The following CALB1 variants were observed in gnomAD, a reference collection of about 807,000 sequenced individuals.
CALB1 encodes calbindin 1.
A neutral mutation model predicts 46.7 loss-of-function variants in CALB1; 16 were observed. The observed-to-expected ratio is 0.34, with a 90% CI of 0.23 to 0.52. The LOEUF (loss-of-function observed/expected upper bound fraction) is 0.52, where lower values mean the gene tolerates loss of function less well. Ranked by LOEUF, CALB1 falls within the 20% of genes least tolerant of loss-of-function variation. CALB1 has a pLI of 0.95. For missense variants in CALB1, 224 were observed against 300.3 expected (o/e 0.75, Z 1.88); for synonymous variants, 90 against 112.8 (o/e 0.80, Z 1.28).
chr8:90,077,864 A>G lies in CALB1; in HGVS notation c.231+509T>C, dbSNP rs73308465. 9.1e-3 allele frequency among the ~76,000 whole-genome samples: 1,387 copies of G among 152,210 alleles called. 18 individuals are homozygous for G. The highest frequency in any genetic ancestry group is 0.032 in the African/African-American group (1,314 of 41,548). On this transcript the variant is annotated intron_variant, in intron 3 of 10. Coordinates refer to ENST00000265431, the MANE Select transcript of CALB1 (RefSeq NM_004929.4). ...AATTATTCTGTTTTTACGAAGGCCA[A>G]CTGTCAAACCAGGATGCAGCTTTTT...
At chr8:90,073,813 T>C (rs2130243510) in intron 3 of CALB1, among the ~76,000 whole-genome samples, 1 of 152,288 alleles carries the variant, frequency 6.6e-6, no homozygotes, top group Non-Finnish European at 1.5e-5. Context: ...GCAGATACTT[T>C]CAAACAACTT....
Position 90,060,113 on chromosome 8 carries a change from T to C in CALB1, c.*60A>G. The C allele has an allele frequency of 1.1e-6, 1 of 924,800 alleles. No individual in the cohort carries two copies. The allele number at this position is 924,800 out of a possible 1,614,324, so 57.3% of individuals were successfully genotyped here. Reference sequence around the variant, plus strand: ...AAAGAAAATACAGCCTACTCCCTTATAGTGCACAGTTATTTTTTAGATACA... The same window carrying C: ...AAAGAAAATACAGCCTACTCCCTTACAGTGCACAGTTATTTTTTAGATACA... On this transcript the variant is annotated 3_prime_UTR_variant, in exon 11 of 11. Transcript: ENST00000265431.
intron 2 of CALB1, among the ~76,000 whole-genome samples, chr8:90,080,193 C>T (rs540519074): frequency 6.6e-6 from 1 of 151,984 alleles, no homozygotes; most frequent in East Asian, 1.9e-4. Flanking sequence ...AGTATCATTA[C>T]ATTATAGTCT....
In CALB1 at chr8:90,060,183, C is replaced by T. The variant is rs756996903; in HGVS notation, c.776G>A (p.Gly259Glu). 2.2e-5 allele frequency: 35 copies of T among 1,609,528 alleles called. 1 individual carries two copies. Among genetic ancestry groups the T allele is most frequent in the South Asian group, 2.2e-5 (2 of 90,966 alleles). ...TTGCGGCCACCAACTCTAGTTATCC[C>T]CAGCACAGAGAATAAGAGCAAGATC... ...RTDLALILCA[G>E]DN The change falls in exon 11 of 11, where the codon GGG becomes GAG. Residue 259 changes from glycine (G) to glutamate (E), a missense_variant. By Grantham distance (98) the Gly-to-Glu change is moderately conservative (BLOSUM62 -2). Coordinates refer to ENST00000265431, the MANE Select transcript of CALB1 (RefSeq NM_004929.4).
At chr8:90,078,311 A>C in intron 3 of CALB1, 62 bp downstream of exon 3, 1 of 1,023,666 alleles carries the variant, frequency 9.8e-7, no homozygotes, top group Non-Finnish European at 1.5e-6. Flanking sequence ...TGACTTGAAG[A>C]CAACTTCAAA....
intron 3 of CALB1, among the ~76,000 whole-genome samples, chr8:90,072,970 C>T (rs945282583): frequency 6.9e-6 from 1 of 144,080 alleles, no homozygotes; most frequent in African/African-American, 2.7e-5. Flanking sequence ...TTTCTGAGAA[C>T]TGATTGCTTG....
Position 90,082,829 on chromosome 8 carries a change from G to C in CALB1, c.-132C>G. On this transcript the variant is annotated 5_prime_UTR_variant, in exon 1 of 11. Coordinates refer to ENST00000265431, the MANE Select transcript of CALB1 (RefSeq NM_004929.4). ...GAGACCTGGGCGCGGGCGCTGCCGGGCGCTGTCCTCGGTGCTGCTCAGCTC... is the reference window on the plus strand; with the variant it reads ...GAGACCTGGGCGCGGGCGCTGCCGGCCGCTGTCCTCGGTGCTGCTCAGCTC... 1 of 808,580 alleles carries C rather than the reference G, an allele frequency of 1.2e-6. No homozygotes were observed. The highest frequency in any genetic ancestry group is 2.5e-5 in the East Asian group (1 of 40,036). The allele number at this position is 808,580 out of a possible 1,614,324, so 50.1% of individuals were successfully genotyped here.
In CALB1 at chr8:90,063,347, T is replaced by A. The variant is rs769799121; in HGVS notation, c.507-27A>T. ...TTTTGAGAGAAAAACATTATATTAA[T>A]ATATTACATTTTTTGAAAAGGATCC... On this transcript the variant is annotated intron_variant, in intron 7 of 10. Transcript: ENST00000265431. The A allele has an allele frequency of 3.2e-6, 5 of 1,576,554 alleles. No individual in the cohort carries two copies. In the South Asian group the frequency reaches 3.4e-5, roughly 11 times the overall value.
intron 3 of CALB1, among the ~76,000 whole-genome samples, chr8:90,076,429 A>G (rs1039700707): frequency 2.0e-5 from 3 of 152,100 alleles, no homozygotes; most frequent in South Asian, 4.1e-4. Flanking sequence ...TTCACATGCT[A>G]TAACTATAAA....
intron 3 of CALB1, among the ~76,000 whole-genome samples, chr8:90,077,006 A>G (rs1211484803): frequency 6.6e-6 from 1 of 152,026 alleles, no homozygotes; most frequent in Non-Finnish European, 1.5e-5. Context: ...GGTTTTCCTT[A>G]ACTAGGATTA....
intron 5 of CALB1, among the ~76,000 whole-genome samples, chr8:90,067,812 C>T (rs1218005736): frequency 6.6e-6 from 1 of 152,258 alleles, no homozygotes; most frequent in Non-Finnish European, 1.5e-5. Context: ...AGGTACAAAT[C>T]CAGGTTCTCT....
rs774056004 is a variant in CALB1 at position 90,069,176 on chromosome 8, T to A, written c.293A>T (p.Lys98Met). 1 of 1,613,936 alleles carries A rather than the reference T, an allele frequency of 6.2e-7. No homozygotes were observed. Among genetic ancestry groups the A allele is most frequent in the African/African-American group, 1.3e-5 (1 of 74,912 alleles). ...FLLLFRCQQL[K>M]SCEEFMKTWR... Reference sequence around the variant, plus strand: ...TACCTTCATGAATTCCTCACAGGACTTCAGCTGCTGGCATCGGAAGAGCAG... The same window carrying A: ...TACCTTCATGAATTCCTCACAGGACATCAGCTGCTGGCATCGGAAGAGCAG... The change falls in exon 4 of 11, where the codon AAG becomes ATG. Residue 98 changes from lysine to methionine, a missense_variant. Coordinates refer to ENST00000265431, the MANE Select transcript of CALB1 (RefSeq NM_004929.4).
intron 2 of CALB1, among the ~76,000 whole-genome samples, chr8:90,081,056 C>A (rs751326767): frequency 6.9e-4 from 105 of 152,082 alleles, no homozygotes; most frequent in Non-Finnish European, 1.4e-3. Flanking sequence ...CAATTTTTAA[C>A]CCATTTTCCT....
intron 2 of CALB1, among the ~76,000 whole-genome samples, chr8:90,080,443 C>A (rs1198804941): frequency 6.6e-6 from 1 of 151,656 alleles, no homozygotes; most frequent in Non-Finnish European, 1.5e-5. Flanking sequence ...GGTTTTAATT[C>A]TAAATTTTAT....
intron 3 of CALB1, among the ~76,000 whole-genome samples, chr8:90,072,140 A>G (rs1814535766): frequency 6.6e-6 from 1 of 152,212 alleles, no homozygotes; most frequent in Admixed American, 6.5e-5. Context: ...TTCTTTAAAT[A>G]TTTTACATCT....
intron 3 of CALB1, among the ~76,000 whole-genome samples, chr8:90,071,594 G>T (rs1814518622): frequency 6.6e-6 from 1 of 152,002 alleles, no homozygotes; most frequent in Non-Finnish European, 1.5e-5. Context: ...AGAAGAAAAA[G>T]TAACACAAGA....
At chr8:90,076,173 CT>C (rs1357740901) in intron 3 of CALB1, among the ~76,000 whole-genome samples, 1 of 152,050 alleles carries the variant, frequency 6.6e-6, no homozygotes, top group Non-Finnish European at 1.5e-5. Context: ...GTTTCGAGTG[CT>C]TTGCCCAAAT....
intron 3 of CALB1, among the ~76,000 whole-genome samples, chr8:90,071,518 A>G (rs1814517164): frequency 6.6e-6 from 1 of 152,118 alleles, no homozygotes; most frequent in Admixed American, 6.5e-5. Context: ...GGCCTCTTCT[A>G]TAATAATACT....
rs1208553761 is a variant in CALB1, at chr8:90,063,268, A to G, written c.546+13T>C. ...AAGGAAAATATTATTTAAGGTAGTA[A>G]AAAGTTAAGTACCTGGAATTTAAGA... On this transcript the variant is annotated intron_variant, in intron 8 of 10. Transcript: ENST00000265431. 5 of 1,590,824 alleles carry G rather than the reference A, an allele frequency of 3.1e-6. No homozygotes were observed. The Admixed American group carries it at 8.4e-5, about 27-fold the overall frequency.
Sources: allele counts gnomAD v4.1 joint callset (sites outside exome capture counted in the v4.1 genomes callset), GRCh38; gene constraint gnomAD v4.1.1; transcripts MANE v1.5; gene names NCBI Gene and HGNC (gene_info 2026-07-23, HGNC 2026-07-21).